The following RORB variants were observed in gnomAD, a reference collection of about 807,000 sequenced individuals.
The protein encoded by RORB is RAR related orphan receptor B.
Under a neutral mutation model 59.1 loss-of-function variants are expected in RORB, and 6 were observed. That is an observed-to-expected ratio of 0.10 (90% CI 0.06 to 0.20). The LOEUF (loss-of-function observed/expected upper bound fraction) is 0.20. RORB is among the 10% of genes least tolerant of loss of function. The pLI is 1.00. For synonymous variants in RORB, 215 were observed against 204.5 expected (o/e 1.05, Z -0.44); for missense variants, 320 against 560.5 (o/e 0.57, Z 4.33).
intron 2 of RORB, among the ~76,000 whole-genome samples, chr9:74,634,155 A>G (rs779505780): frequency 2.6e-5 from 4 of 151,730 alleles, no homozygotes; most frequent in Non-Finnish European, 5.9e-5. Context: ...AACACATCTT[A>G]GAAACTAAGA....
intron 1 of RORB, among the ~76,000 whole-genome samples, chr9:74,594,895 A>G (rs1248444731): frequency 1.3e-5 from 2 of 152,190 alleles, no homozygotes; most frequent in Non-Finnish European, 2.9e-5. Flanking sequence ...TCTCTACACC[A>G]GGATATCCTC....
intron 1 of RORB, among the ~76,000 whole-genome samples, chr9:74,554,963 A>G (rs114674028): frequency 0.013 from 2,023 of 152,306 alleles, 53 homozygotes; most frequent in African/African-American, 0.046. Context: ...TGTGTACAGA[A>G]GAGGAGAGCA....
At chr9:74,637,665 C>T (rs925213072) in intron 3 of RORB, among the ~76,000 whole-genome samples, 3 of 152,060 alleles carry the variant, frequency 2.0e-5, no homozygotes, top group African/African-American at 7.2e-5. Flanking sequence ...TAAATTGATA[C>T]TCACTAGTAT....
At chr9:74,615,631 A>T in intron 1 of RORB, 1 of 454,386 alleles carries the variant, frequency 2.2e-6, no homozygotes, top group Non-Finnish European at 4.4e-6. Context: ...ACTAAAGCTG[A>T]CGCCACTGGT....
chr9:74,682,197 G>A (rs1310987361), intron 9 of RORB, among the ~76,000 whole-genome samples: 1 of 150,732 alleles, frequency 6.6e-6, no homozygotes, highest in African/African-American at 2.4e-5. Context: ...CTCTGAGGCA[G>A]GGACTGTTAT....
intron 1 of RORB, among the ~76,000 whole-genome samples, chr9:74,609,199 C>T (rs946047006): frequency 2.6e-5 from 4 of 152,122 alleles, no homozygotes; most frequent in Non-Finnish European, 5.9e-5. Flanking sequence ...GTAACAAATA[C>T]GCAAAATAGT....
At chr9:74,588,179 A>G (rs1029334723) in intron 1 of RORB, among the ~76,000 whole-genome samples, 1 of 152,104 alleles carries the variant, frequency 6.6e-6, no homozygotes, top group Non-Finnish European at 1.5e-5. Context: ...ATCCTTTTCC[A>G]CCAGCATGAT....
intron 1 of RORB, among the ~76,000 whole-genome samples, chr9:74,521,308 G>A (rs895245516): frequency 6.6e-6 from 1 of 151,788 alleles, no homozygotes; most frequent in Non-Finnish European, 1.5e-5. Context: ...TAACAGATCT[G>A]GGGGTGATAA....
intron 1 of RORB, among the ~76,000 whole-genome samples, chr9:74,542,408 T>C (rs1826422693): frequency 1.3e-5 from 2 of 152,134 alleles, no homozygotes; most frequent in South Asian, 4.1e-4. Context: ...CGAATTTCAG[T>C]GGACATTAAA....
chr9:74,597,095 TG>T (rs1445085767), intron 1 of RORB, among the ~76,000 whole-genome samples: 1 of 152,222 alleles, frequency 6.6e-6, no homozygotes, highest in Non-Finnish European at 1.5e-5. Flanking sequence ...TCAGTCGGTC[TG>T]AAATTAGGTC....
At position 74,662,602 on chromosome 9, in the gene RORB, G is replaced by A. The variant is rs913947415; in HGVS notation, c.888G>A (p.Lys296=). 1 of 1,613,588 alleles carries A rather than the reference G, an allele frequency of 6.2e-7. No homozygotes were observed. Among genetic ancestry groups the A allele is most frequent in the Non-Finnish European group, 8.5e-7 (1 of 1,180,008 alleles). The change falls in exon 6 of 10, where the codon AAG becomes AAA. Residue 296 remains lysine (K), a synonymous_variant. Transcript: ENST00000376896. ...LCQNDQILLL[K]SGCLEVVLVR... ...AAAATGATCAAATTCTACTTCTGAA[G>A]TCAGGTAAGCAAGAAGATTCATGGG...
intron 1 of RORB, among the ~76,000 whole-genome samples, chr9:74,506,542 G>T (rs1395104549): frequency 6.6e-6 from 1 of 152,054 alleles, no homozygotes; most frequent in African/African-American, 2.4e-5. Flanking sequence ...ATTAGCTCTT[G>T]TGAACTTAGT....
chr9:74,510,552 C>T (rs1189021432), intron 1 of RORB, among the ~76,000 whole-genome samples: 1 of 152,064 alleles, frequency 6.6e-6, no homozygotes, highest in Non-Finnish European at 1.5e-5. Context: ...AATCTCTTGC[C>T]TGTGTTTCGT....
intron 4 of RORB, among the ~76,000 whole-genome samples, chr9:74,651,776 C>G (rs947008027): frequency 3.3e-5 from 5 of 152,210 alleles, no homozygotes; most frequent in African/African-American, 1.2e-4. Context: ...TCATCAACTG[C>G]AGGACATTTA....
intron 1 of RORB, among the ~76,000 whole-genome samples, chr9:74,559,220 C>T (rs969082368): frequency 6.6e-6 from 1 of 152,140 alleles, no homozygotes; most frequent in Non-Finnish European, 1.5e-5. Context: ...CCCAATATTT[C>T]CTTGTAGATT....
intron 3 of RORB, among the ~76,000 whole-genome samples, chr9:74,635,740 G>A (rs898818267): frequency 1.3e-5 from 2 of 152,126 alleles, no homozygotes; most frequent in Non-Finnish European, 2.9e-5. Context: ...AGTCAGTGTG[G>A]ATTCTGGGCC....
At chr9:74,605,847 G>A (rs909626331) in intron 1 of RORB, among the ~76,000 whole-genome samples, 2 of 152,096 alleles carry the variant, frequency 1.3e-5, no homozygotes, top group Non-Finnish European at 2.9e-5. Flanking sequence ...GCAAGCATTA[G>A]AATCAGGCTG....
At chr9:74,667,718 T>G in intron 7 of RORB, 73 bp from the exon 8 acceptor site, 1 of 888,010 alleles carries the variant, frequency 1.1e-6, no homozygotes, top group Non-Finnish European at 1.9e-6. Context: ...GCTTATTGAT[T>G]ATGAGATTTT....
chr9:74,599,582 C>T (rs750009447), intron 1 of RORB, among the ~76,000 whole-genome samples: 1 of 152,176 alleles, frequency 6.6e-6, no homozygotes, highest in African/African-American at 2.4e-5. Flanking sequence ...TTAGCATGGT[C>T]TTTTAAAAGG....
Sources: gnomAD v4.1 joint callset for allele counts (sites outside exome capture counted in the v4.1 genomes callset) on GRCh38, gnomAD v4.1.1 for gene constraint, MANE v1.5 for transcripts, NCBI Gene and HGNC (gene_info 2026-07-23, HGNC 2026-07-21) for gene names.